GLIS3: variants seen among roughly 807,000 people sequenced by gnomAD.
GLIS3 encodes GLIS family zinc finger 3.
Under a neutral mutation model 78.6 loss-of-function variants are expected in GLIS3, and 53 were observed. That is an observed-to-expected ratio of 0.67 (90% CI 0.54 to 0.85). GLIS3 has a LOEUF of 0.85. Ranked by LOEUF, GLIS3 falls within the 40% of genes least tolerant of loss-of-function variation. GLIS3 has a pLI of 0.00. For missense variants in GLIS3, 1,703 were observed against 1,231.1 expected (o/e 1.38, Z -5.74); for synonymous variants, 684 against 509.9 (o/e 1.34, Z -4.60).
chr9:4,046,572 T>A (rs1825269203), intron 4 of GLIS3, among the ~76,000 whole-genome samples: 1 of 152,200 alleles, frequency 6.6e-6, no homozygotes, highest in Non-Finnish European at 1.5e-5. Context: ...GCTAATACGA[T>A]AAGTTGTACT....
At chr9:4,375,485 T>C in the GLIS3 span, among the ~76,000 whole-genome samples, 1 of 152,348 alleles carries the variant, frequency 6.6e-6, no homozygotes, top group Non-Finnish European at 1.5e-5. Flanking sequence ...ACATTGAAGA[T>C]TAATCTTTCT....
At chr9:4,175,236 G>A (rs1239503146) in intron 2 of GLIS3, among the ~76,000 whole-genome samples, 1 of 152,168 alleles carries the variant, frequency 6.6e-6, no homozygotes, top group Non-Finnish European at 1.5e-5. Flanking sequence ...CAAATGCACT[G>A]AAGGTAATAT....
In GLIS3 at chr9:3,879,744, C is replaced by T. The variant is rs535167294; in HGVS notation, c.2129-149G>A. On this transcript the variant is annotated intron_variant, in intron 7 of 10. Coordinates refer to ENST00000381971, the MANE Select transcript of GLIS3 (RefSeq NM_001042413.2). ...GGAACAGTTCTCCCCTTCTTGGGTACACACAGCTTTTATTTTCATGGTGGA... is the reference window on the plus strand; with the variant it reads ...GGAACAGTTCTCCCCTTCTTGGGTATACACAGCTTTTATTTTCATGGTGGA... The T allele has an allele frequency of 1.5e-3, 1,216 of 807,634 alleles. 4 individuals are homozygous for T. Among genetic ancestry groups the T allele is most frequent in the Non-Finnish European group, 1.7e-3 (875 of 508,296 alleles). The allele number at this position is 807,634 out of a possible 1,614,324, so 50.0% of individuals were successfully genotyped here. A position where few individuals can be genotyped will look rare whatever the true frequency, so the allele number is the denominator to read the frequency against.
chr9:4,449,170 C>A, the GLIS3 span, among the ~76,000 whole-genome samples: 1 of 152,198 alleles, frequency 6.6e-6, no homozygotes, highest in Non-Finnish European at 1.5e-5. Context: ...AGATTATATA[C>A]CATGCATGGC....
intron 2 of GLIS3, among the ~76,000 whole-genome samples, chr9:4,263,797 T>C (rs1436668394): frequency 6.6e-6 from 1 of 152,190 alleles, no homozygotes; most frequent in African/African-American, 2.4e-5. Flanking sequence ...ACTTGTTAAC[T>C]TGGTTTCTGA....
intron 2 of GLIS3, among the ~76,000 whole-genome samples, chr9:4,153,088 G>A (rs200484605): frequency 2.0e-5 from 3 of 152,198 alleles, no homozygotes; most frequent in Non-Finnish European, 4.4e-5. Flanking sequence ...AGCACCCCTC[G>A]TGGTGACAAC....
At position 3,827,606 on chromosome 9, in the gene GLIS3, C is replaced by CCT. The variant is rs1817792360; in HGVS notation, c.*665_*666insAG. Reference sequence around the variant, plus strand: ...TTTCCATCCAAAGCACAGACCTTTACATTTTTTTTTCATTTTAAAATACGT... The same window carrying CCT: ...TTTCCATCCAAAGCACAGACCTTTACCTATTTTTTTTTCATTTTAAAATACGT... On this transcript the variant is annotated 3_prime_UTR_variant, in exon 11 of 11. Transcript: ENST00000381971. 1 of 86,464 alleles carries CCT rather than the reference C, an allele frequency of 1.2e-5. No homozygotes were observed. The highest frequency in any genetic ancestry group is 4.9e-5 in the African/African-American group (1 of 20,384). The allele number at this position is 86,464 out of a possible 1,614,324, so 5.4% of individuals were successfully genotyped here. A position where few individuals can be genotyped will look rare whatever the true frequency, so the allele number is the denominator to read the frequency against.
chr9:4,407,364 G>T, the GLIS3 span, among the ~76,000 whole-genome samples: 62,896 of 152,128 alleles, frequency 0.41, 14,572 homozygotes, highest in African/African-American at 0.62. Context: ...TGGAAAAACT[G>T]ACCGGGCAAG....
chr9:3,995,834 A>T (rs1820698693), intron 4 of GLIS3, among the ~76,000 whole-genome samples: 1 of 152,150 alleles, frequency 6.6e-6, no homozygotes, highest in Non-Finnish European at 1.5e-5. Flanking sequence ...AACACATAAT[A>T]GCCTGCTAAA....
chr9:4,338,987 G>A (rs10974480), intron 2 of GLIS3, among the ~76,000 whole-genome samples: 41,939 of 152,022 alleles, frequency 0.28, 6,707 homozygotes, highest in Non-Finnish European at 0.35. Flanking sequence ...TGTGTTACAG[G>A]CTTACCCTTA....
intron 2 of GLIS3, among the ~76,000 whole-genome samples, chr9:4,199,667 C>T (rs1174389583): frequency 6.6e-6 from 1 of 151,870 alleles, no homozygotes; most frequent in Non-Finnish European, 1.5e-5. Flanking sequence ...ACAAGTACTT[C>T]TAGACCTACA....
intron 6 of GLIS3, among the ~76,000 whole-genome samples, chr9:3,908,583 T>C (rs16919945): frequency 0.094 from 14,289 of 152,222 alleles, 818 homozygotes; most frequent in East Asian, 0.15. Context: ...ACCTTACTAG[T>C]GAAATCACCT....
the GLIS3 span, among the ~76,000 whole-genome samples, chr9:4,439,654 A>G: frequency 6.6e-6 from 1 of 152,098 alleles, no homozygotes; most frequent in Non-Finnish European, 1.5e-5. Context: ...ATTTCACATG[A>G]GAGATTATGC....
chr9:4,276,814 C>G (rs1013813874), intron 2 of GLIS3, among the ~76,000 whole-genome samples: 23 of 152,232 alleles, frequency 1.5e-4, no homozygotes, highest in African/African-American at 5.5e-4. Context: ...CCCTGTGTAG[C>G]TCAGAGAGTA....
At chr9:4,225,730 C>T (rs756394377) in intron 2 of GLIS3, among the ~76,000 whole-genome samples, 1 of 152,130 alleles carries the variant, frequency 6.6e-6, no homozygotes, top group African/African-American at 2.4e-5. Context: ...ATTGACATTG[C>T]TAATGTATGA....
At chr9:3,931,340 T>A (rs187159734) in intron 6 of GLIS3, among the ~76,000 whole-genome samples, 30 of 152,010 alleles carry the variant, frequency 2.0e-4, no homozygotes, top group African/African-American at 7.0e-4. Flanking sequence ...AACATAAAAG[T>A]GTTAAATCCC....
chr9:3,932,106 C>G (rs1825657363), intron 6 of GLIS3, among the ~76,000 whole-genome samples: 1 of 152,110 alleles, frequency 6.6e-6, no homozygotes, highest in African/African-American at 2.4e-5. Flanking sequence ...ATTATACAAG[C>G]CTTTCCCAGA....
At chr9:4,087,877 C>A (rs984702822) in intron 4 of GLIS3, among the ~76,000 whole-genome samples, 6 of 152,214 alleles carry the variant, frequency 3.9e-5, no homozygotes, top group Non-Finnish European at 8.8e-5. Context: ...CCCCTCAACA[C>A]AGGAATTTAT....
At chr9:4,129,985 G>A (rs1832855252) in intron 2 of GLIS3, among the ~76,000 whole-genome samples, 1 of 152,186 alleles carries the variant, frequency 6.6e-6, no homozygotes, top group Non-Finnish European at 1.5e-5. Context: ...GTTGGGAACT[G>A]GAGCAAAGGT....
Sources: gnomAD v4.1 joint callset for allele counts (sites outside exome capture counted in the v4.1 genomes callset) on GRCh38, gnomAD v4.1.1 for gene constraint, MANE v1.5 for transcripts, NCBI Gene and HGNC (gene_info 2026-07-23, HGNC 2026-07-21) for gene names.